Variants in NTM observed in about 807,000 individuals in gnomAD.
NTM encodes the protein neurotrimin.
A neutral mutation model predicts 42.1 loss-of-function variants in NTM; 13 were observed. The ratio of observed to expected loss-of-function variants is 0.31; its 90% CI spans 0.20 to 0.49. NTM has a LOEUF of 0.49. Ranked by LOEUF, NTM falls within the 20% of genes least tolerant of loss-of-function variation. The pLI, the probability that NTM is intolerant of heterozygous loss-of-function variation, is 0.99. For missense variants in NTM, 373 were observed against 452.8 expected (o/e 0.82, Z 1.60); for synonymous variants, 187 against 179.2 (o/e 1.04, Z -0.35).
intron 1 of NTM, among the ~76,000 whole-genome samples, chr11:131,757,549 C>A (rs187599750): frequency 3.9e-5 from 6 of 152,140 alleles, no homozygotes; most frequent in Non-Finnish European, 2.9e-5. Flanking sequence ...CATTTCCAGG[C>A]GTGTTAGGTC....
chr11:132,004,630 TCTCTCA>T (rs1451670261), intron 2 of NTM, among the ~76,000 whole-genome samples: 49 of 138,420 alleles, frequency 3.5e-4, no homozygotes, highest in African/African-American at 1.0e-3. Flanking sequence ...TCTCTCTCTC[TCTCTCA>T]CACACACACA....
intron 2 of NTM, among the ~76,000 whole-genome samples, chr11:132,058,396 C>T (rs372421288): frequency 2.0e-5 from 3 of 152,182 alleles, no homozygotes; most frequent in Non-Finnish European, 4.4e-5. Flanking sequence ...CTCTGCCCTG[C>T]GAAGCGGATT....
At chr11:132,320,769 T>C (rs2095545817) in intron 7 of NTM, among the ~76,000 whole-genome samples, 1 of 151,756 alleles carries the variant, frequency 6.6e-6, no homozygotes, top group Admixed American at 6.6e-5. Flanking sequence ...CAGACTTAAA[T>C]GTCCCTGTCT....
intron 1 of NTM, among the ~76,000 whole-genome samples, chr11:131,466,146 A>T (rs1951861195): frequency 6.6e-6 from 1 of 152,220 alleles, no homozygotes; most frequent in African/African-American, 2.4e-5. Flanking sequence ...CGACCCTGAC[A>T]GCCAAGGATT....
chr11:131,409,592 C>A (rs1279647121), intron 1 of NTM, among the ~76,000 whole-genome samples: 2 of 152,208 alleles, frequency 1.3e-5, no homozygotes, highest in Non-Finnish European at 2.9e-5. Context: ...AGTGGAGTGA[C>A]CTTGAGAAGG....
chr11:131,872,765 T>G (rs2047918038), intron 1 of NTM, among the ~76,000 whole-genome samples: 2 of 152,302 alleles, frequency 1.3e-5, no homozygotes, highest in African/African-American at 4.8e-5. Flanking sequence ...AATTATAGTA[T>G]CATACTGTGG....
At chr11:132,134,705 GTATATATATATA>G (rs57297229) in intron 2 of NTM, among the ~76,000 whole-genome samples, 2,090 of 75,862 alleles carry the variant, frequency 0.028, 224 homozygotes, top group Middle Eastern at 0.053. Flanking sequence ...GTATTCCATG[GTATATATATATA>G]TATATATATA....
chr11:132,056,893 G>A (rs761201202), intron 2 of NTM, among the ~76,000 whole-genome samples: 2 of 152,126 alleles, frequency 1.3e-5, no homozygotes, highest in Admixed American at 6.6e-5. Context: ...CTTGTGTGTC[G>A]CCTTGATGAA....
intron 3 of NTM, among the ~76,000 whole-genome samples, chr11:132,150,884 G>A (rs1591837948): frequency 6.6e-6 from 1 of 152,192 alleles, no homozygotes; most frequent in East Asian, 1.9e-4. Flanking sequence ...AGGGGAATGA[G>A]TTCAGATACC....
intron 1 of NTM, among the ~76,000 whole-genome samples, chr11:131,856,826 T>C (rs1236979679): frequency 6.6e-6 from 1 of 152,228 alleles, no homozygotes; most frequent in Non-Finnish European, 1.5e-5. Flanking sequence ...CCTGGTCTAA[T>C]AGCCCATTTT....
At chr11:132,019,469 G>C (rs1253311103) in intron 2 of NTM, among the ~76,000 whole-genome samples, 2 of 151,926 alleles carry the variant, frequency 1.3e-5, no homozygotes, top group African/African-American at 2.4e-5. Context: ...TGTCAGGTTT[G>C]CTTGCTGTAT....
intron 1 of NTM, among the ~76,000 whole-genome samples, chr11:131,733,726 G>A (rs1014139942): frequency 1.3e-5 from 2 of 151,974 alleles, no homozygotes; most frequent in Non-Finnish European, 2.9e-5. Context: ...AGTAGAGATG[G>A]GGGGGTTTGC....
intron 2 of NTM, among the ~76,000 whole-genome samples, chr11:132,092,203 A>C (rs2060454830): frequency 6.6e-6 from 1 of 152,196 alleles, no homozygotes; most frequent in African/African-American, 2.4e-5. Context: ...CATATTTAAA[A>C]TCATTGATTT....
At chr11:131,990,519 G>T (rs914394347) in intron 2 of NTM, among the ~76,000 whole-genome samples, 1 of 151,968 alleles carries the variant, frequency 6.6e-6, no homozygotes, top group African/African-American at 2.4e-5. Flanking sequence ...GCATGTGTGT[G>T]TGTGTGTCTA....
intron 1 of NTM, among the ~76,000 whole-genome samples, chr11:131,710,427 T>C (rs1206502341): frequency 6.6e-6 from 1 of 151,780 alleles, no homozygotes; most frequent in Non-Finnish European, 1.5e-5. Flanking sequence ...CTGAAGAGAG[T>C]AGGGGCAGGG....
chr11:131,492,334 CT>C (rs1304031154), intron 1 of NTM, among the ~76,000 whole-genome samples: 2 of 152,196 alleles, frequency 1.3e-5, no homozygotes, highest in Non-Finnish European at 2.9e-5. Flanking sequence ...GGTATTAGAG[CT>C]GAAAGCCAAC....
At chr11:132,027,564 C>T (rs981022105) in intron 2 of NTM, among the ~76,000 whole-genome samples, 7 of 152,134 alleles carry the variant, frequency 4.6e-5, no homozygotes, top group African/African-American at 1.7e-4. Flanking sequence ...ATATTTCACT[C>T]GACGCTCCTC....
intron 1 of NTM, among the ~76,000 whole-genome samples, chr11:131,829,584 C>T (rs368918013): frequency 1.2e-4 from 18 of 152,186 alleles, no homozygotes; most frequent in African/African-American, 3.9e-4. Flanking sequence ...TCTGATCCAC[C>T]ATTGATAGGC....
At chr11:131,577,895 G>T (rs1025762381) in intron 1 of NTM, among the ~76,000 whole-genome samples, 4 of 152,170 alleles carry the variant, frequency 2.6e-5, no homozygotes, top group Non-Finnish European at 5.9e-5. Flanking sequence ...TTTCAGGAAG[G>T]CATTTTACAA....
Sources: allele counts gnomAD v4.1 joint callset (sites outside exome capture counted in the v4.1 genomes callset), GRCh38; gene constraint gnomAD v4.1.1; transcripts MANE v1.5; gene names NCBI Gene and HGNC (gene_info 2026-07-23, HGNC 2026-07-21).